Variants in CA10 observed in about 807,000 individuals in gnomAD.
CA10 encodes the protein carbonic anhydrase 10 (inactive).
In CA10, 14 loss-of-function variants were observed where a neutral mutation model predicts 44.2. The ratio of observed to expected loss-of-function variants is 0.32; its 90% CI spans 0.21 to 0.50. The LOEUF is 0.50. Among genes scored for constraint, CA10 ranks in the 20% least tolerant of loss-of-function variants. The pLI is 0.99. For synonymous variants in CA10, 159 were observed against 141.6 expected (o/e 1.12, Z -0.87); for missense variants, 350 against 409.7 (o/e 0.85, Z 1.26).
intron 3 of CA10, among the ~76,000 whole-genome samples, chr17:51,849,188 T>TAC (rs1195756724): frequency 6.7e-4 from 45 of 67,424 alleles, no homozygotes; most frequent in African/African-American, 4.6e-3. Context: ...TATATGTATA[T>TAC]ATATATATAC....
At chr17:51,763,304 T>C (rs1290696739) in intron 3 of CA10, 1 of 151,742 alleles carries the variant, frequency 6.6e-6, no homozygotes, top group Non-Finnish European at 1.5e-5. Context: ...GGGTGGGGAG[T>C]CTTTATTGCC....
At chr17:52,156,925 T>C (rs1989815444) in intron 1 of CA10, among the ~76,000 whole-genome samples, 1 of 152,094 alleles carries the variant, frequency 6.6e-6, no homozygotes, top group South Asian at 2.1e-4. Context: ...ATTCCCTGCA[T>C]CAACAAAGAC....
intron 1 of CA10, among the ~76,000 whole-genome samples, chr17:52,100,490 T>C (rs117471574): frequency 0.013 from 1,971 of 151,110 alleles, 25 homozygotes; most frequent in Non-Finnish European, 0.023. Flanking sequence ...AAACTACAAG[T>C]GAAAACAAAA....
chr17:51,966,976 T>C lies in CA10; in HGVS notation c.137-35844A>G, dbSNP rs1279912636. Reference sequence around the variant, plus strand: ...CTACACATCTGACGAAGGTCTAATATCTAGAATCTCTAAGAAACTTAAACA... The same window carrying C: ...CTACACATCTGACGAAGGTCTAATACCTAGAATCTCTAAGAAACTTAAACA... On this transcript the variant is annotated intron_variant, in intron 2 of 8. Coordinates refer to ENST00000451037, the MANE Select transcript of CA10 (RefSeq NM_020178.5). Among the ~76,000 whole-genome samples, 6 of 151,876 alleles carry C rather than the reference T, an allele frequency of 4.0e-5. No individual in the cohort carries two copies. In the East Asian group the frequency reaches 1.2e-3, roughly 29 times the overall value.
intron 4 of CA10, among the ~76,000 whole-genome samples, chr17:51,733,336 G>A (rs952626564): frequency 9.9e-5 from 15 of 152,232 alleles, no homozygotes; most frequent in East Asian, 3.9e-4. Flanking sequence ...GCCACGCTTC[G>A]CCTCACTGTT....
intron 2 of CA10, among the ~76,000 whole-genome samples, chr17:51,995,808 G>A (rs998716481): frequency 2.6e-5 from 4 of 152,066 alleles, no homozygotes; most frequent in Non-Finnish European, 4.4e-5. Flanking sequence ...ACTTTTAGCA[G>A]TGGAACCTAA....
intron 3 of CA10, among the ~76,000 whole-genome samples, chr17:51,765,824 G>A (rs1421412809): frequency 6.6e-6 from 1 of 151,972 alleles, no homozygotes; most frequent in East Asian, 1.9e-4. Flanking sequence ...GGAGGGCTGA[G>A]ATGGCTCTGA....
chr17:52,130,287 G>A (rs913099808), intron 1 of CA10, among the ~76,000 whole-genome samples: 2 of 152,156 alleles, frequency 1.3e-5, no homozygotes, highest in African/African-American at 2.4e-5. Flanking sequence ...ATATGACCCA[G>A]CAATCCCACT....
At chr17:51,877,803 T>C (rs552782452) in intron 3 of CA10, among the ~76,000 whole-genome samples, 92 of 152,194 alleles carry the variant, frequency 6.0e-4, no homozygotes, top group Non-Finnish European at 1.1e-3. Context: ...TTTTTGTCTA[T>C]TTGTCCATTT....
chr17:51,879,488 CTTAT>C (rs1206345068), intron 3 of CA10, among the ~76,000 whole-genome samples: 3 of 152,128 alleles, frequency 2.0e-5, no homozygotes, highest in Non-Finnish European at 4.4e-5. Context: ...GCTGAGCACA[CTTAT>C]TTGATAACTC....
intron 3 of CA10, among the ~76,000 whole-genome samples, chr17:51,864,215 G>A (rs1979444032): frequency 6.6e-6 from 1 of 152,132 alleles, no homozygotes; most frequent in East Asian, 1.9e-4. Context: ...CAAAAGTTTA[G>A]TGGTTACCTC....
At chr17:52,120,092 C>T (rs778963429) in intron 1 of CA10, among the ~76,000 whole-genome samples, 112 of 152,298 alleles carry the variant, frequency 7.4e-4, no homozygotes, top group African/African-American at 2.4e-3. Flanking sequence ...CAAAGTCAAG[C>T]CCCATGCACC....
At chr17:52,057,647 T>C (rs1199736192) in intron 2 of CA10, among the ~76,000 whole-genome samples, 3 of 152,028 alleles carry the variant, frequency 2.0e-5, no homozygotes, top group Non-Finnish European at 2.9e-5. Flanking sequence ...GGGTAAATTG[T>C]ATTGTTAAAA....
chr17:51,897,832 GA>G (rs1450916791), intron 3 of CA10, among the ~76,000 whole-genome samples: 1 of 151,996 alleles, frequency 6.6e-6, no homozygotes, highest in Non-Finnish European at 1.5e-5. Context: ...TGGCTGTTGT[GA>G]ATAAGATCAT....
chr17:51,744,011 T>C (rs1231202532), intron 4 of CA10, among the ~76,000 whole-genome samples: 2 of 152,144 alleles, frequency 1.3e-5, no homozygotes, highest in Non-Finnish European at 2.9e-5. Context: ...AGAATACAAT[T>C]GAAGGAAATT....
At chr17:51,642,951 T>A (rs1244562783) in intron 6 of CA10, among the ~76,000 whole-genome samples, 1 of 152,202 alleles carries the variant, frequency 6.6e-6, no homozygotes, top group Non-Finnish European at 1.5e-5. Context: ...CCACCATACC[T>A]TTTTAAATTT....
chr17:51,871,043 CACTTT>C (rs1178384609), intron 3 of CA10, among the ~76,000 whole-genome samples: 54 of 148,048 alleles, frequency 3.6e-4, no homozygotes, highest in African/African-American at 1.3e-3. Context: ...ACTTTCTTCC[CACTTT>C]ACTTTTTTTT....
At chr17:51,861,331 CATT>C (rs1979294513) in intron 3 of CA10, among the ~76,000 whole-genome samples, 1 of 151,918 alleles carries the variant, frequency 6.6e-6, no homozygotes, top group South Asian at 2.1e-4. Context: ...GAACCAGCCT[CATT>C]GTGGAGATTT....
At chr17:51,636,067 GACATACAT>G (rs57645751) in intron 6 of CA10, 58 bp from the exon 7 acceptor site, 99 of 762,298 alleles carry the variant, frequency 1.3e-4, no homozygotes, top group South Asian at 3.8e-4. Context: ...TGGTATTGCT[GACATACAT>G]ACATACATAC....
Sources: gnomAD v4.1 joint callset for allele counts (sites outside exome capture counted in the v4.1 genomes callset) on GRCh38, gnomAD v4.1.1 for gene constraint, MANE v1.5 for transcripts, NCBI Gene and HGNC (gene_info 2026-07-23, HGNC 2026-07-21) for gene names.